Variants in SSBP2 observed in about 807,000 individuals in gnomAD.
SSBP2 encodes single-stranded DNA-binding protein 2.
Under a neutral mutation model 61.8 loss-of-function variants are expected in SSBP2, and 17 were observed. The observed-to-expected ratio is 0.28, with a 90% CI of 0.19 to 0.41. The LOEUF (loss-of-function observed/expected upper bound fraction) is 0.41. Among genes scored for constraint, SSBP2 ranks in the 10% least tolerant of loss-of-function variants. The pLI, the probability that SSBP2 is intolerant of heterozygous loss-of-function variation, is 1.00. For missense variants in SSBP2, 310 were observed against 458.7 expected, an observed-to-expected ratio of 0.68 and a Z score of 2.96; for synonymous variants, 139 against 141.3, an observed-to-expected ratio of 0.98 and a Z score of 0.12.
At chr5:81,643,681 C>T (rs1581237054) in intron 2 of SSBP2, among the ~76,000 whole-genome samples, 1 of 136,978 alleles carries the variant, frequency 7.3e-6, no homozygotes, top group Non-Finnish European at 1.5e-5. Flanking sequence ...GGGCTCACTG[C>T]AACCTCCACT....
At chr5:81,677,973 T>G (rs1752110735) in intron 1 of SSBP2, among the ~76,000 whole-genome samples, 1 of 152,158 alleles carries the variant, frequency 6.6e-6, no homozygotes, top group Non-Finnish European at 1.5e-5. Flanking sequence ...TTTACAGCAA[T>G]TGTTTTTATC....
At chr5:81,517,409 TTC>T (rs1165355171) in intron 4 of SSBP2, among the ~76,000 whole-genome samples, 1 of 151,688 alleles carries the variant, frequency 6.6e-6, no homozygotes, top group African/African-American at 2.4e-5. Flanking sequence ...ACTTTTTTAT[TTC>T]TTTTTCATTT....
Position 81,650,267 on chromosome 5 carries a change from C to A in SSBP2, c.135G>T (p.Glu45Asp). Residue 45 changes from glutamate to aspartate, a missense_variant and splice_region_variant, in exon 2 of 17, where the codon GAG (glutamate) becomes GAT (aspartate). Physicochemically the swap from Glu to Asp is conservative, Grantham distance 45. Transcript: ENST00000320672. The stretch of plus-strand genomic sequence containing the variant: ...AATACAGAAAATATATAAAACATAC[C>A]TCTGATAAAAATGTTTGAGCTGATT... 2 of 1,568,200 alleles carry A rather than the reference C, an allele frequency of 1.3e-6. No individual in the cohort carries two copies. Among genetic ancestry groups the A allele is most frequent in the Non-Finnish European group, 8.7e-7 (1 of 1,152,214 alleles).
At chr5:81,627,531 G>A (rs1561624759) in intron 3 of SSBP2, among the ~76,000 whole-genome samples, 1 of 152,050 alleles carries the variant, frequency 6.6e-6, no homozygotes, top group African/African-American at 2.4e-5. Flanking sequence ...TTTCCTGTGG[G>A]TATTTGGTTA....
intron 8 of SSBP2, 90 bp downstream of exon 8, chr5:81,473,610 G>A (rs993196333): frequency 1.8e-6 from 2 of 1,108,836 alleles, no homozygotes; most frequent in African/African-American, 3.1e-5. Context: ...TGGTATACAT[G>A]TACCACATTC....
chr5:81,515,624 T>TA (rs920068937), intron 4 of SSBP2, among the ~76,000 whole-genome samples: 5 of 151,876 alleles, frequency 3.3e-5, no homozygotes, highest in Non-Finnish European at 7.4e-5. Flanking sequence ...ATTCAACAGG[T>TA]AAGGATGCTG....
chr5:81,653,125 G>A (rs1749897050), intron 1 of SSBP2, among the ~76,000 whole-genome samples: 1 of 151,944 alleles, frequency 6.6e-6, no homozygotes, highest in African/African-American at 2.4e-5. Flanking sequence ...AGGCCCCAGT[G>A]TGTGATGTTC....
chr5:81,494,011 G>A (rs1338220765), intron 5 of SSBP2, among the ~76,000 whole-genome samples: 1 of 152,188 alleles, frequency 6.6e-6, no homozygotes, highest in Admixed American at 6.5e-5. Flanking sequence ...AAGGTTCACA[G>A]TCTTGTAATT....
At chr5:81,488,809 T>C (rs1421137395) in intron 6 of SSBP2, among the ~76,000 whole-genome samples, 1 of 150,140 alleles carries the variant, frequency 6.7e-6, no homozygotes, top group Non-Finnish European at 1.5e-5. Flanking sequence ...TGGTGTTAGG[T>C]TTTTTGTCTT....
chr5:81,730,758 C>A (rs1193153200), intron 1 of SSBP2, among the ~76,000 whole-genome samples: 2 of 152,110 alleles, frequency 1.3e-5, no homozygotes, highest in Non-Finnish European at 2.9e-5. Context: ...CTTTTTACAG[C>A]TCAGTCCAAA....
chr5:81,723,995 T>G (rs2153976265), intron 1 of SSBP2, among the ~76,000 whole-genome samples: 1 of 152,074 alleles, frequency 6.6e-6, no homozygotes, highest in Admixed American at 6.6e-5. Flanking sequence ...CCAAAACACT[T>G]AACTCTGCTG....
chr5:81,521,197 A>C (rs1262313522), intron 4 of SSBP2, among the ~76,000 whole-genome samples: 1 of 152,114 alleles, frequency 6.6e-6, no homozygotes, highest in African/African-American at 2.4e-5. Context: ...TACCTATGAA[A>C]AATGAAGAAG....
intron 4 of SSBP2, among the ~76,000 whole-genome samples, chr5:81,594,683 G>A (rs541378180): frequency 1.3e-5 from 2 of 152,316 alleles, no homozygotes; most frequent in South Asian, 2.1e-4. Context: ...TCAGGATTAA[G>A]AAACTCACTC....
Position 81,628,797 on chromosome 5 carries a change from T to G in SSBP2, c.197+7760A>C, listed in dbSNP as rs1194220299. On this transcript the variant is annotated intron_variant, in intron 3 of 16. Coordinates refer to ENST00000320672, the MANE Select transcript of SSBP2 (RefSeq NM_012446.5). ...AAAGTCAATCACACAAATTTCTCTA[T>G]CCTATATTAAAGACAGAAATTCCCC... 2.0e-5 allele frequency among the ~76,000 whole-genome samples: 3 copies of G among 152,284 alleles called. No homozygotes were observed. The East Asian group carries it at 5.8e-4, about 29-fold the overall frequency.
chr5:81,736,844 A>G (rs1253983414), intron 1 of SSBP2, among the ~76,000 whole-genome samples: 4 of 152,222 alleles, frequency 2.6e-5, no homozygotes, highest in Admixed American at 6.5e-5. Context: ...GGGAGAGTTA[A>G]AAAATAATTT....
At chr5:81,641,605 C>T (rs1453413930) in intron 2 of SSBP2, among the ~76,000 whole-genome samples, 1 of 152,134 alleles carries the variant, frequency 6.6e-6, no homozygotes, top group Non-Finnish European at 1.5e-5. Flanking sequence ...AAATGGATCA[C>T]TATTCTAGAT....
intron 1 of SSBP2, among the ~76,000 whole-genome samples, chr5:81,741,679 T>C (rs1052569765): frequency 6.6e-6 from 1 of 152,090 alleles, no homozygotes; most frequent in African/African-American, 2.4e-5. Flanking sequence ...TGATAAAAAT[T>C]AGCCTGTCTT....
intron 4 of SSBP2, among the ~76,000 whole-genome samples, chr5:81,542,578 T>A (rs1233814116): frequency 6.6e-6 from 1 of 151,894 alleles, no homozygotes; most frequent in Non-Finnish European, 1.5e-5. Flanking sequence ...ACACATGGTA[T>A]ATATTCCATA....
chr5:81,607,421 T>C lies in SSBP2; in HGVS notation c.282+8052A>G, dbSNP rs964509854. On this transcript the variant is annotated intron_variant, in intron 4 of 16. Transcript: ENST00000320672. Reference sequence around the variant, plus strand: ...TCATCAAATATTTATTGAGTGCCAATTAAGTACAAACCACTAGGCTATCAA... The same window carrying C: ...TCATCAAATATTTATTGAGTGCCAACTAAGTACAAACCACTAGGCTATCAA... Among the ~76,000 whole-genome samples the C allele has an allele frequency of 6.6e-5, 10 of 152,286 alleles. No individual in the cohort carries two copies. In the South Asian group the frequency reaches 8.3e-4, roughly 13 times the overall value.
Sources: gnomAD v4.1 joint callset for allele counts (sites outside exome capture counted in the v4.1 genomes callset) on GRCh38, gnomAD v4.1.1 for gene constraint, MANE v1.5 for transcripts, NCBI Gene and HGNC (gene_info 2026-07-23, HGNC 2026-07-21) for gene names.